Variants in NCKAP5 observed in about 807,000 individuals in gnomAD.
NCKAP5 encodes the protein NCK associated protein 5.
NCKAP5 carries 92 observed loss-of-function variants against 167.0 expected under a neutral mutation model. The ratio of observed to expected loss-of-function variants is 0.55; its 90% CI spans 0.47 to 0.66. The LOEUF is 0.66. NCKAP5 is among the 30% of genes least tolerant of loss of function. NCKAP5 has a pLI of 0.00. For missense variants in NCKAP5, 2,378 were observed against 2,315.0 expected, an observed-to-expected ratio of 1.03 and a Z score of -0.56; for synonymous variants, 891 against 877.4, an observed-to-expected ratio of 1.02 and a Z score of -0.27.
chr2:133,207,116 C>A (rs932833959), intron 5 of NCKAP5, among the ~76,000 whole-genome samples: 2 of 152,130 alleles, frequency 1.3e-5, no homozygotes, highest in African/African-American at 4.8e-5. Context: ...ATCCTTGTGA[C>A]CTTCTCCCTG....
At chr2:133,487,443 G>GT (rs1231793291) in intron 3 of NCKAP5, among the ~76,000 whole-genome samples, 1 of 152,178 alleles carries the variant, frequency 6.6e-6, no homozygotes, top group Admixed American at 6.5e-5. Context: ...CTAATTAGTT[G>GT]TGTTTTCTAG....
intron 2 of NCKAP5, among the ~76,000 whole-genome samples, chr2:133,532,698 T>G (rs1558760944): frequency 6.6e-6 from 1 of 152,136 alleles, no homozygotes; most frequent in East Asian, 1.9e-4. Context: ...TCAGTATATA[T>G]GTAATTTTTA....
intron 5 of NCKAP5, among the ~76,000 whole-genome samples, chr2:133,165,294 G>A (rs1225570531): frequency 6.6e-6 from 1 of 152,146 alleles, no homozygotes; most frequent in Non-Finnish European, 1.5e-5. Flanking sequence ...AAGCAATTTG[G>A]CATTATGTGA....
intron 5 of NCKAP5, among the ~76,000 whole-genome samples, chr2:133,188,532 A>T (rs1401211501): frequency 6.6e-6 from 1 of 152,128 alleles, no homozygotes; most frequent in Admixed American, 6.6e-5. Context: ...ACATAGTTGG[A>T]AGTAAAGGAC....
At chr2:133,598,676 TC>T in the NCKAP5 span, among the ~76,000 whole-genome samples, 1 of 151,864 alleles carries the variant, frequency 6.6e-6, no homozygotes, top group Non-Finnish European at 1.5e-5. Context: ...AGATGGGGAG[TC>T]CCAAAATAGG....
chr2:133,458,014 G>A (rs1408631793), intron 3 of NCKAP5, among the ~76,000 whole-genome samples: 1 of 152,096 alleles, frequency 6.6e-6, no homozygotes, highest in African/African-American at 2.4e-5. Flanking sequence ...CAGTAAATCT[G>A]TTATGAGCTT....
chr2:133,495,431 C>T (rs1681857557), intron 3 of NCKAP5, among the ~76,000 whole-genome samples: 1 of 152,110 alleles, frequency 6.6e-6, no homozygotes, highest in African/African-American at 2.4e-5. Flanking sequence ...CACACTGACG[C>T]TTAGTGCAGT....
At chr2:133,457,837 G>C (rs1244526421) in intron 3 of NCKAP5, among the ~76,000 whole-genome samples, 2 of 152,090 alleles carry the variant, frequency 1.3e-5, no homozygotes, top group Admixed American at 1.3e-4. Flanking sequence ...AATTGGTTAT[G>C]CAACTAAAAT....
intron 3 of NCKAP5, among the ~76,000 whole-genome samples, chr2:133,442,965 C>A (rs1690952046): frequency 6.6e-6 from 1 of 152,192 alleles, no homozygotes; most frequent in African/African-American, 2.4e-5. Context: ...AGATAAACAG[C>A]ATTTAAGGTT....
At chr2:133,002,207 C>T (rs1416834917) in intron 6 of NCKAP5, among the ~76,000 whole-genome samples, 1 of 152,146 alleles carries the variant, frequency 6.6e-6, no homozygotes, top group African/African-American at 2.4e-5. Context: ...CAGTAGTCTT[C>T]TTAGCCATGG....
chr2:133,404,895 T>A (rs1413000242), intron 3 of NCKAP5, among the ~76,000 whole-genome samples: 1 of 152,200 alleles, frequency 6.6e-6, no homozygotes, highest in Non-Finnish European at 1.5e-5. Context: ...GTCTATCAGT[T>A]CTCGACCAGC....
At chr2:133,364,631 G>T (rs546679383) in intron 3 of NCKAP5, among the ~76,000 whole-genome samples, 1 of 152,104 alleles carries the variant, frequency 6.6e-6, no homozygotes, top group Non-Finnish European at 1.5e-5. Flanking sequence ...TCTCAATTTG[G>T]GATTCTCTGA....
intron 3 of NCKAP5, among the ~76,000 whole-genome samples, chr2:133,507,697 T>C (rs1683133938): frequency 1.3e-5 from 2 of 152,208 alleles, no homozygotes; most frequent in Admixed American, 1.3e-4. Context: ...CGTTTGAATA[T>C]GATGGCTCCT....
At chr2:133,590,054 A>G in the NCKAP5 span, among the ~76,000 whole-genome samples, 1 of 152,076 alleles carries the variant, frequency 6.6e-6, no homozygotes, top group East Asian at 1.9e-4. Flanking sequence ...CTTTTTTGTT[A>G]ACCGGGGCTC....
At chr2:133,401,603 C>A (rs960348861) in intron 3 of NCKAP5, among the ~76,000 whole-genome samples, 3 of 152,138 alleles carry the variant, frequency 2.0e-5, no homozygotes, top group African/African-American at 7.2e-5. Flanking sequence ...GTGAAAAACC[C>A]ACACATTTGG....
chr2:133,159,038 T>C (rs1314448761), intron 5 of NCKAP5, among the ~76,000 whole-genome samples: 2 of 151,836 alleles, frequency 1.3e-5, no homozygotes, highest in Admixed American at 1.3e-4. Flanking sequence ...GACTTTAAAA[T>C]AGGAAGATTG....
chr2:133,616,064 C>G, the NCKAP5 span, among the ~76,000 whole-genome samples: 1 of 150,980 alleles, frequency 6.6e-6, no homozygotes, highest in Non-Finnish European at 1.5e-5. Context: ...GGGTACATAA[C>G]GAAATGAAGG....
chr2:133,040,366 T>C (rs1185531124), intron 6 of NCKAP5, among the ~76,000 whole-genome samples: 1 of 152,166 alleles, frequency 6.6e-6, no homozygotes, highest in Non-Finnish European at 1.5e-5. Context: ...TCTCTAGTAT[T>C]TCTTACATCC....
chr2:133,029,084 T>C (rs981355647), intron 6 of NCKAP5, among the ~76,000 whole-genome samples: 14 of 152,182 alleles, frequency 9.2e-5, no homozygotes, highest in Non-Finnish European at 2.1e-4. Flanking sequence ...ATTTATAAAT[T>C]ACCAAGTCTA....
Sources: gnomAD v4.1 joint callset for allele counts (sites outside exome capture counted in the v4.1 genomes callset) on GRCh38, gnomAD v4.1.1 for gene constraint, MANE v1.5 for transcripts, NCBI Gene and HGNC (gene_info 2026-07-23, HGNC 2026-07-21) for gene names.